CFH: variants seen among roughly 807,000 people sequenced by gnomAD.
CFH encodes the protein H factor 1 (complement).
Under a neutral mutation model 147.3 loss-of-function variants are expected in CFH, and 53 were observed. The ratio of observed to expected loss-of-function variants is 0.36; its 90% CI spans 0.29 to 0.45. The LOEUF (loss-of-function observed/expected upper bound fraction) is 0.45. Among genes scored for constraint, CFH ranks in the 20% least tolerant of loss-of-function variants. CFH has a pLI of 1.00. For missense variants in CFH, 1,380 were observed against 1,498.0 expected (o/e 0.92, Z 1.30); for synonymous variants, 536 against 489.4 (o/e 1.10, Z -1.26).
chr1:196,669,279 C>T (rs537710866), intron 1 of CFH, among the ~76,000 whole-genome samples: 1 of 152,046 alleles, frequency 6.6e-6, no homozygotes, highest in Non-Finnish European at 1.5e-5. Context: ...GAAATAAAAC[C>T]CGAATTTTCT....
intron 9 of CFH, among the ~76,000 whole-genome samples, chr1:196,711,608 T>C (rs1668723995): frequency 6.6e-6 from 1 of 152,054 alleles, no homozygotes; most frequent in Admixed American, 6.6e-5. Flanking sequence ...AACTTAGTTC[T>C]TTCAAGGCTT....
intron 9 of CFH, among the ~76,000 whole-genome samples, chr1:196,698,818 A>T (rs1668365333): frequency 6.6e-6 from 1 of 152,218 alleles, no homozygotes; most frequent in Non-Finnish European, 1.5e-5. Context: ...TCAATGCGAA[A>T]ATCCTCAATA....
rs1463807065 is a variant in CFH, at chr1:196,672,413, TC to T, written c.59-564del. On this transcript the variant is annotated intron_variant, in intron 1 of 21. Transcript: ENST00000367429. Reference sequence around the variant, plus strand: ...TTCCAATTTGGAGTAGAAACATTGTTCTTTTCCATCCTATTCTATCTTATTT... The same window carrying T: ...TTCCAATTTGGAGTAGAAACATTGTTTTTTCCATCCTATTCTATCTTATTT... Among the ~76,000 whole-genome samples the T allele has an allele frequency of 6.6e-5, 10 of 151,882 alleles. 1 individual carries two copies. The highest frequency in any genetic ancestry group is 6.5e-4 in the Admixed American group (10 of 15,278).
rs200367112 is a variant in CFH, at chr1:196,727,338, TA to T, written c.2236+406del. Reference sequence around the variant, plus strand: ...GCAATATAGCAAAAGCCCATCTCTATAAAAAAAATTTTGTAATTAGTTAAGG... The same window carrying T: ...GCAATATAGCAAAAGCCCATCTCTATAAAAAAATTTTGTAATTAGTTAAGG... On this transcript the variant is annotated intron_variant, in intron 14 of 21. Transcript: ENST00000367429. 2.6e-3 allele frequency among the ~76,000 whole-genome samples: 393 copies of T among 151,908 alleles called. 2 individuals are homozygous for T. The highest frequency in any genetic ancestry group is 0.02 in the East Asian group (101 of 5,160).
intron 1 of CFH, among the ~76,000 whole-genome samples, chr1:196,672,625 C>T (rs2149077314): frequency 6.6e-6 from 1 of 152,216 alleles, no homozygotes; most frequent in Middle Eastern, 3.4e-3. Context: ...TAGAATAGTG[C>T]TCAATAAATA....
At chr1:196,694,505 T>C (rs1239894782) in intron 9 of CFH, among the ~76,000 whole-genome samples, 1 of 152,212 alleles carries the variant, frequency 6.6e-6, no homozygotes, top group African/African-American at 2.4e-5. Context: ...TTTATATTCC[T>C]TTGGGTATAT....
rs138143818 is a variant in CFH at position 196,652,544 on chromosome 1, A to C, written c.58+369A>C. Among the ~76,000 whole-genome samples the C allele has an allele frequency of 2.1e-3, 313 of 152,044 alleles. 3 individuals carry two copies. The highest frequency in any genetic ancestry group is 6.9e-3 in the African/African-American group (286 of 41,568). ...AGCATTAAGAAGGATGTGAATATAC[A>C]TAGTCAATAAAAGCCATCAAATCAT... On this transcript the variant is annotated intron_variant, in intron 1 of 21. Transcript: ENST00000367429.
intron 19 of CFH, 97 bp from the exon 20 acceptor site, chr1:196,743,355 T>C: frequency 6.7e-7 from 1 of 1,503,704 alleles, no homozygotes; most frequent in Non-Finnish European, 9.2e-7. Context: ...TGTCTACTTA[T>C]TTTAAATTCG....
At chr1:196,675,094 C>G (rs1667410442) in intron 3 of CFH, among the ~76,000 whole-genome samples, 1 of 152,140 alleles carries the variant, frequency 6.6e-6, no homozygotes, top group Non-Finnish European at 1.5e-5. Context: ...TTGCTACCTT[C>G]CTCACCTCTG....
At chr1:196,724,303 G>C (rs1669075672) in intron 11 of CFH, among the ~76,000 whole-genome samples, 1 of 151,920 alleles carries the variant, frequency 6.6e-6, no homozygotes, top group Non-Finnish European at 1.5e-5. Flanking sequence ...AGGTTCCTGG[G>C]TAGGAAACAG....
In CFH at chr1:196,694,101, T is replaced by A. The variant is rs1668164558; in HGVS notation, c.1336+3862T>A. Among the ~76,000 whole-genome samples, 6 of 152,056 alleles carry A rather than the reference T, an allele frequency of 3.9e-5. 1 individual carries two copies. The South Asian group carries it at 1.2e-3, about 32-fold the overall frequency. On this transcript the variant is annotated intron_variant, in intron 9 of 21. Transcript: ENST00000367429. Reference sequence around the variant, plus strand: ...TTGCTGCACCCATCAACCCGTCATCTAGGTTGTAAGCCTTGCATGAATTAG... The same window carrying A: ...TTGCTGCACCCATCAACCCGTCATCAAGGTTGTAAGCCTTGCATGAATTAG...
chr1:196,697,197 C>T (rs1442829470), intron 9 of CFH, among the ~76,000 whole-genome samples: 2 of 152,144 alleles, frequency 1.3e-5, no homozygotes, highest in African/African-American at 4.8e-5. Flanking sequence ...GCAAAAGAAA[C>T]TACCATCAGA....
At chr1:196,655,704 G>A (rs997729147) in intron 1 of CFH, among the ~76,000 whole-genome samples, 1 of 152,162 alleles carries the variant, frequency 6.6e-6, no homozygotes, top group South Asian at 2.1e-4. Flanking sequence ...CTAGGCCTTT[G>A]AGATTCTGCC....
At chr1:196,742,084 T>A in intron 19 of CFH, 33 bp downstream of exon 19, 1 of 1,606,776 alleles carries the variant, frequency 6.2e-7, no homozygotes, top group Non-Finnish European at 8.5e-7. Context: ...TTTATTTATA[T>A]AATGTGTGGG....
intron 3 of CFH, among the ~76,000 whole-genome samples, chr1:196,674,689 T>C (rs1338616921): frequency 2.6e-5 from 4 of 152,174 alleles, no homozygotes; most frequent in African/African-American, 9.7e-5. Flanking sequence ...ACATTATTAT[T>C]TCCCCATTTT....
In CFH at chr1:196,676,115, TA is replaced by T. The variant is rs573913360; in HGVS notation, c.427+57del. The T allele has an allele frequency of 3.2e-4, 367 of 1,154,362 alleles. 1 individual carries two copies. In the African/African-American group the frequency reaches 4.4e-3, roughly 14 times the overall value. The allele number at this position is 1,154,362 out of a possible 1,614,324, so 71.5% of individuals were successfully genotyped here. On this transcript the variant is annotated intron_variant, in intron 4 of 21. Coordinates refer to ENST00000367429, the MANE Select transcript of CFH (RefSeq NM_000186.4). ...TATATTGAAATAAATATCTAAGATT[TA>T]AAAAAAGTCTTACATTAAAATATCT...
intron 19 of CFH, 125 bp from the exon 20 acceptor site, chr1:196,743,327 C>G (rs1573082745): frequency 7.2e-7 from 1 of 1,390,552 alleles, no homozygotes; most frequent in Non-Finnish European, 9.9e-7. Context: ...TTAAAATCAA[C>G]AAAATATTTG....
chr1:196,707,297 G>C (rs757482760), intron 9 of CFH, among the ~76,000 whole-genome samples: 1 of 152,114 alleles, frequency 6.6e-6, no homozygotes, highest in Admixed American at 6.5e-5. Flanking sequence ...TTTTACATGG[G>C]AGATCATTCT....
chr1:196,738,973 A>C (rs748092017), intron 17 of CFH, among the ~76,000 whole-genome samples: 7 of 152,230 alleles, frequency 4.6e-5, no homozygotes, highest in Non-Finnish European at 1.0e-4. Flanking sequence ...CCAAACCTCA[A>C]TTCTTGACTT....
Sources: gnomAD v4.1 joint callset for allele counts (sites outside exome capture counted in the v4.1 genomes callset) on GRCh38, gnomAD v4.1.1 for gene constraint, MANE v1.5 for transcripts, NCBI Gene and HGNC (gene_info 2026-07-23, HGNC 2026-07-21) for gene names.